The following ANKRD50 variants were observed in gnomAD, a reference collection of about 807,000 sequenced individuals.
ANKRD50 encodes the protein ankyrin repeat domain-containing protein 50.
In ANKRD50, 40 loss-of-function variants were observed where a neutral mutation model predicts 112.0. The ratio of observed to expected loss-of-function variants is 0.36; its 90% CI spans 0.28 to 0.46. The LOEUF (loss-of-function observed/expected upper bound fraction) is 0.46, where lower values mean the gene tolerates loss of function less well. Among genes scored for constraint, ANKRD50 ranks in the 20% least tolerant of loss-of-function variants. ANKRD50 has a pLI of 1.00. For missense variants in ANKRD50, 1,487 were observed against 1,701.7 expected (o/e 0.87, Z 2.22); for synonymous variants, 613 against 619.1 (o/e 0.99, Z 0.15).
rs901766064 is a variant in ANKRD50 at position 124,664,416 on chromosome 4, C to T, written c.*3102G>A. The stretch of plus-strand genomic sequence containing the variant: ...TAAGATAATAACTTAAAACAACTAA[C>T]AGTTGTTTATGCTATATGCATATCA... On this transcript the variant is annotated 3_prime_UTR_variant, in exon 5 of 5. Transcript: ENST00000504087. The T allele has an allele frequency of 3.3e-5, 5 of 152,254 alleles. No homozygotes were observed. Among genetic ancestry groups the T allele is most frequent in the Non-Finnish European group, 7.4e-5 (5 of 67,922 alleles). 9.4% of individuals were successfully genotyped at this position (152,254 alleles called of 1,614,324 possible).
In ANKRD50 at chr4:124,699,314, G is replaced by GAAATGCTT. The variant is rs1180921614; in HGVS notation, c.512+10685_512+10686insAAGCATTT. ...TGTTTGCTTTCCTGTTTACTTTCCC[G>GAAATGCTT]TATCACTGAAATGCTTCAGGGGATG... On this transcript the variant is annotated intron_variant, in intron 2 of 4. Coordinates refer to ENST00000504087, the MANE Select transcript of ANKRD50 (RefSeq NM_020337.3). 5.6e-4 allele frequency among the ~76,000 whole-genome samples: 85 copies of GAAATGCTT among 150,564 alleles called. 4 individuals carry two copies. Among genetic ancestry groups the GAAATGCTT allele is most frequent in the African/African-American group, 2.0e-3 (82 of 41,064 alleles).
chr4:124,683,756 C>CAA (rs33990913), intron 2 of ANKRD50, among the ~76,000 whole-genome samples: 18 of 86,594 alleles, frequency 2.1e-4, no homozygotes, highest in South Asian at 4.2e-4. Flanking sequence ...GACTCCGTCT[C>CAA]AAAAAAAAAA....
At position 124,669,892 on chromosome 4, in the gene ANKRD50, G is replaced by C; in HGVS notation, c.3385C>G (p.Gln1129Glu). 1 of 1,613,432 alleles carries C rather than the reference G, an allele frequency of 6.2e-7. No individual in the cohort carries two copies. The highest frequency in any genetic ancestry group is 8.5e-7 in the Non-Finnish European group (1 of 1,179,786). ...KPLQSLSSKV[Q>E]SLTIKSNSSG... The stretch of plus-strand genomic sequence containing the variant: ...CTATTTGATTTAATTGTTAATGACT[G>C]CACTTTTGAAGACAATGACTGTAGA... Residue 1129 changes from glutamine to glutamate, a missense_variant, in exon 4 of 5, where the codon CAG becomes GAG. Physicochemically the swap from Gln to Glu is conservative, Grantham distance 29. This residue lies in a region of ANKRD50 where 441 missense variants were observed against 432.2 expected (regional missense o/e 1.02). Coordinates refer to ENST00000504087, the MANE Select transcript of ANKRD50 (RefSeq NM_020337.3).
Position 124,672,426 on chromosome 4 carries a change from AGGT to A in ANKRD50, c.848_850del (p.His283del). 1 of 1,613,052 alleles carries A rather than the reference AGGT, an allele frequency of 6.2e-7. No homozygotes were observed. Among genetic ancestry groups the A allele is most frequent in the Non-Finnish European group, 8.5e-7 (1 of 1,179,568 alleles). The stretch of plus-strand genomic sequence containing the variant: ...TAACATCTCTGCAGTTTCTTTTGTG[AGGT>A]GTTGTCGCAAAGCTTCTTCTTGATC... On this transcript the variant is annotated inframe_deletion, in exon 4 of 5. Coordinates refer to ENST00000504087, the MANE Select transcript of ANKRD50 (RefSeq NM_020337.3).
intron 2 of ANKRD50, among the ~76,000 whole-genome samples, chr4:124,703,047 C>T (rs1000409584): frequency 6.6e-6 from 1 of 151,670 alleles, no homozygotes; most frequent in Non-Finnish European, 1.5e-5. Context: ...TTTATCTATG[C>T]ATTGGTAGCC....
intron 3 of ANKRD50, among the ~76,000 whole-genome samples, chr4:124,673,046 C>T (rs1244902691): frequency 6.6e-6 from 1 of 152,068 alleles, no homozygotes; most frequent in African/African-American, 2.4e-5. Flanking sequence ...TGTCTTTAAA[C>T]TACATTACTG....
Position 124,670,279 on chromosome 4 carries a change from C to G in ANKRD50, c.2998G>C (p.Ala1000Pro). ...GHMEMVQVLI[A>P]YHADVNAADN... ...GCAGCATTGACGTCAGCATGGTATG[C>G]TATCAGGACCTGCACCATTTCCATA... Residue 1000 changes from alanine (A) to proline (P), a missense_variant, in exon 4 of 5, where the codon GCA becomes CCA. Physicochemically the swap from Ala to Pro is conservative, Grantham distance 27. Coordinates refer to ENST00000504087, the MANE Select transcript of ANKRD50 (RefSeq NM_020337.3). 6.2e-7 allele frequency: 1 copy of G among 1,613,924 alleles called. No individual in the cohort carries two copies. Among genetic ancestry groups the G allele is most frequent in the East Asian group, 2.2e-5 (1 of 44,868 alleles).
At chr4:124,686,448 A>G (rs1725009449) in intron 2 of ANKRD50, among the ~76,000 whole-genome samples, 1 of 152,132 alleles carries the variant, frequency 6.6e-6, no homozygotes, top group East Asian at 1.9e-4. Context: ...GGGGTTTAAA[A>G]ACTACAGCAA....
intron 3 of ANKRD50, among the ~76,000 whole-genome samples, chr4:124,675,038 T>G (rs867808178): frequency 6.6e-6 from 1 of 151,718 alleles, no homozygotes; most frequent in Non-Finnish European, 1.5e-5. Flanking sequence ...AAACATAAGA[T>G]AGGGCTGAAA....
intron 2 of ANKRD50, among the ~76,000 whole-genome samples, chr4:124,691,214 C>T (rs577602271): frequency 9.2e-5 from 14 of 152,230 alleles, no homozygotes; most frequent in East Asian, 5.8e-4. Flanking sequence ...GAGAACAGGC[C>T]GGGCGTGGTG....
intron 2 of ANKRD50, among the ~76,000 whole-genome samples, chr4:124,680,511 A>C (rs987345740): frequency 6.6e-6 from 1 of 152,194 alleles, no homozygotes; most frequent in African/African-American, 2.4e-5. Context: ...AGGAGGGTAG[A>C]GGGAAGGTGG....
intron 3 of ANKRD50, 80 bp downstream of exon 3, chr4:124,678,596 T>A: frequency 7.9e-7 from 1 of 1,272,166 alleles, no homozygotes; most frequent in Non-Finnish European, 1.1e-6. Context: ...ACGCAGATGT[T>A]CAACTGCATA....
chr4:124,670,309 C>T lies in ANKRD50; in HGVS notation c.2968G>A (p.Gly990Ser), dbSNP rs991406786. 9.9e-6 allele frequency: 16 copies of T among 1,613,836 alleles called. No homozygotes were observed. The African/African-American group carries it at 2.0e-4, about 20-fold the overall frequency. The change falls in exon 4 of 5, where the codon GGC becomes AGC. Residue 990 changes from glycine to serine, a missense_variant. Transcript: ENST00000504087. ...AGGACCTGCACCATTTCCATATGGC[C>T]TTGCCAACAAGACACATGAAGTGCT... Reference protein sequence around the residue: ...RTALHVSCWQGHMEMVQVLIA... With the variant: ...RTALHVSCWQSHMEMVQVLIA...
intron 2 of ANKRD50, among the ~76,000 whole-genome samples, chr4:124,703,554 T>C (rs1194875989): frequency 1.3e-5 from 2 of 152,080 alleles, no homozygotes; most frequent in South Asian, 2.1e-4. Flanking sequence ...TAGAGCATGG[T>C]GAAGGCTGAA....
intron 2 of ANKRD50, among the ~76,000 whole-genome samples, chr4:124,701,829 C>CA (rs111389059): frequency 5.9e-4 from 81 of 137,016 alleles, no homozygotes; most frequent in Middle Eastern, 3.6e-3. Flanking sequence ...TTTTTAAAAA[C>CA]AAAAAAAAAA....
intron 2 of ANKRD50, among the ~76,000 whole-genome samples, chr4:124,706,635 A>G (rs1725508710): frequency 6.6e-6 from 1 of 152,076 alleles, no homozygotes; most frequent in Non-Finnish European, 1.5e-5. Flanking sequence ...TTCATTATCA[A>G]CTTTCTATAA....
Position 124,710,618 on chromosome 4 carries a change from CTAGTTA to C in ANKRD50, c.-113_-108del, listed in dbSNP as rs1725608517. 7.7e-7 allele frequency: 1 copy of C among 1,301,068 alleles called. No individual in the cohort carries two copies. Among genetic ancestry groups the C allele is most frequent in the Non-Finnish European group, 1.1e-6 (1 of 950,762 alleles). The allele number at this position is 1,301,068 out of a possible 1,614,324, so 80.6% of individuals were successfully genotyped here. ...TAAGTTGACTCTGAAGACAGAGTAA[CTAGTTA>C]CAGTAAAATTCAACAGCCACAGAGT... On this transcript the variant is annotated 5_prime_UTR_variant, in exon 2 of 5. Transcript: ENST00000504087.
At chr4:124,675,365 G>A (rs1032119404) in intron 3 of ANKRD50, among the ~76,000 whole-genome samples, 4 of 151,658 alleles carry the variant, frequency 2.6e-5, no homozygotes, top group African/African-American at 9.7e-5. Context: ...AAGAACATAT[G>A]AGGATAAGCA....
chr4:124,705,841 C>T (rs573335052), intron 2 of ANKRD50, among the ~76,000 whole-genome samples: 28 of 152,132 alleles, frequency 1.8e-4, no homozygotes, highest in Middle Eastern at 3.4e-3. Flanking sequence ...AAGTGGGAGG[C>T]AGAATTAAAG....
Sources: allele counts gnomAD v4.1 joint callset (sites outside exome capture counted in the v4.1 genomes callset), GRCh38; gene constraint gnomAD v4.1.1; regional missense constraint gnomAD v4.1.1; transcripts MANE v1.5; gene names NCBI Gene and HGNC (gene_info 2026-07-23, HGNC 2026-07-21).